Variants in SLAIN1 observed in about 807,000 individuals in gnomAD.
SLAIN1 encodes SLAIN motif-containing protein 1.
Under a neutral mutation model 55.4 loss-of-function variants are expected in SLAIN1, and 17 were observed. The observed-to-expected ratio is 0.31, with a 90% confidence interval of 0.21 to 0.46. SLAIN1 has a LOEUF of 0.46. SLAIN1 is among the 20% of genes least tolerant of loss of function. The pLI, the probability that SLAIN1 is intolerant of heterozygous loss-of-function variation, is 1.00. For missense variants in SLAIN1, 682 were observed against 785.1 expected (o/e 0.87, Z 1.57); for synonymous variants, 348 against 337.4 (o/e 1.03, Z -0.35).
intron 1 of SLAIN1, among the ~76,000 whole-genome samples, chr13:77,716,504 C>T (rs1360294360): frequency 1.3e-5 from 2 of 152,024 alleles, no homozygotes; most frequent in African/African-American, 2.4e-5. Flanking sequence ...TTCTTACTCA[C>T]GAAAATGGCA....
At chr13:77,745,002 T>G (rs1362164383) in intron 3 of SLAIN1, among the ~76,000 whole-genome samples, 1 of 152,036 alleles carries the variant, frequency 6.6e-6, no homozygotes, top group African/African-American at 2.4e-5. Context: ...TACTGTATAA[T>G]TCCACACATA....
chr13:77,705,635 G>A (rs2091081786), intron 1 of SLAIN1, among the ~76,000 whole-genome samples: 1 of 148,620 alleles, frequency 6.7e-6, no homozygotes, highest in Non-Finnish European at 1.5e-5. Flanking sequence ...CTATATAGGA[G>A]AAATACAGAT....
At chr13:77,760,523 G>A (rs1439104686) in intron 5 of SLAIN1, among the ~76,000 whole-genome samples, 3 of 152,052 alleles carry the variant, frequency 2.0e-5, no homozygotes, top group African/African-American at 4.8e-5. Flanking sequence ...GCAAGCAAAC[G>A]GGGAAGACTT....
chr13:77,742,099 G>A (rs1026116383), intron 2 of SLAIN1, among the ~76,000 whole-genome samples: 5 of 151,964 alleles, frequency 3.3e-5, no homozygotes, highest in Admixed American at 3.3e-4. Flanking sequence ...GTGTGTGTGT[G>A]TGTGTGTGAC....
intron 1 of SLAIN1, among the ~76,000 whole-genome samples, chr13:77,710,054 G>A (rs2091131763): frequency 6.6e-6 from 1 of 152,102 alleles, no homozygotes; most frequent in East Asian, 1.9e-4. Context: ...TTACAGGTGT[G>A]AGCCACCGCA....
At chr13:77,714,122 T>TA (rs1290795276) in intron 1 of SLAIN1, among the ~76,000 whole-genome samples, 1 of 152,100 alleles carries the variant, frequency 6.6e-6, no homozygotes, top group Non-Finnish European at 1.5e-5. Context: ...TATACCTGTG[T>TA]AAAAAATCCT....
At chr13:77,745,067 G>C (rs1342132178) in intron 3 of SLAIN1, among the ~76,000 whole-genome samples, 1 of 152,032 alleles carries the variant, frequency 6.6e-6, no homozygotes, top group Non-Finnish European at 1.5e-5. Flanking sequence ...GTGGTTGGTG[G>C]AGTTAGGTAT....
At chr13:77,704,083 CAT>C (rs1387196848) in intron 1 of SLAIN1, among the ~76,000 whole-genome samples, 33 of 82,652 alleles carry the variant, frequency 4.0e-4, no homozygotes, top group South Asian at 8.4e-4. Context: ...AATATATATA[CAT>C]ATGTTTTATA....
At chr13:77,761,171 C>T (rs140911875) in intron 6 of SLAIN1, 61 bp downstream of exon 6, 501 of 1,529,238 alleles carry the variant, frequency 3.3e-4, no homozygotes, top group Non-Finnish European at 4.3e-4. Context: ...GCTCCAGACA[C>T]ACGCTGACTT....
chr13:77,762,211 T>C (rs138063609), intron 6 of SLAIN1, among the ~76,000 whole-genome samples: 192 of 152,316 alleles, frequency 1.3e-3, no homozygotes, highest in Non-Finnish European at 2.1e-3. Context: ...TGCAGAGCTG[T>C]GTCATCATGC....
chr13:77,716,576 C>A (rs1444184327), intron 1 of SLAIN1, among the ~76,000 whole-genome samples: 1 of 151,980 alleles, frequency 6.6e-6, no homozygotes, highest in Admixed American at 6.6e-5. Flanking sequence ...GTGTTCAGGT[C>A]CTACACATCT....
intron 1 of SLAIN1, among the ~76,000 whole-genome samples, chr13:77,718,593 GTATGT>G (rs1299428937): frequency 6.6e-6 from 1 of 152,150 alleles, no homozygotes; most frequent in Non-Finnish European, 1.5e-5. Context: ...GAATAATGAA[GTATGT>G]TATTTCAAGA....
chr13:77,758,144 C>T (rs1874737466), intron 5 of SLAIN1, among the ~76,000 whole-genome samples: 1 of 152,020 alleles, frequency 6.6e-6, no homozygotes, highest in African/African-American at 2.4e-5. Flanking sequence ...AAGGTGGTAT[C>T]TCATTGTGGT....
chr13:77,729,469 G>A (rs760431106), intron 2 of SLAIN1, among the ~76,000 whole-genome samples: 4 of 151,780 alleles, frequency 2.6e-5, no homozygotes, highest in African/African-American at 7.3e-5. Context: ...CTACTGTGAC[G>A]GTTGATTAAA....
chr13:77,744,069 G>A (rs1873640053), intron 2 of SLAIN1, among the ~76,000 whole-genome samples: 1 of 151,954 alleles, frequency 6.6e-6, no homozygotes, highest in African/African-American at 2.4e-5. Flanking sequence ...TTTTTAAATT[G>A]TGAAAATTCA....
At position 77,763,471 on chromosome 13, in the gene SLAIN1, A is replaced by T. The variant is rs1009224669; in HGVS notation, c.*251A>T. The T allele has an allele frequency of 2.4e-5, 12 of 491,712 alleles. No homozygotes were observed. The highest frequency in any genetic ancestry group is 2.3e-4 in the African/African-American group (12 of 51,782). 30.5% of individuals were successfully genotyped at this position (491,712 alleles called of 1,614,324 possible). On this transcript the variant is annotated 3_prime_UTR_variant, in exon 7 of 7. Transcript: ENST00000418532. Reference sequence around the variant, plus strand: ...ACTTAGATCTAGGAAGTTTTTGTAGAACTGCTCTGTACCTGAATACTTTTT... The same window carrying T: ...ACTTAGATCTAGGAAGTTTTTGTAGTACTGCTCTGTACCTGAATACTTTTT...
At chr13:77,737,307 C>T (rs1255592486) in intron 2 of SLAIN1, among the ~76,000 whole-genome samples, 3 of 152,048 alleles carry the variant, frequency 2.0e-5, no homozygotes, top group Non-Finnish European at 4.4e-5. Flanking sequence ...CATGATGTCT[C>T]ACCAGGTCTA....
At chr13:77,753,174 AT>A in intron 4 of SLAIN1, 28 bp from the exon 5 acceptor site, 1 of 1,560,872 alleles carries the variant, frequency 6.4e-7, no homozygotes, top group South Asian at 1.2e-5. Flanking sequence ...AACATCTGTC[AT>A]TTTTAACTTA....
At chr13:77,728,151 C>T (rs1044135989) in intron 2 of SLAIN1, among the ~76,000 whole-genome samples, 8 of 152,088 alleles carry the variant, frequency 5.3e-5, no homozygotes, top group South Asian at 4.1e-4. Context: ...ATTTCTAACT[C>T]GCCCATCTTT....
Sources: allele counts gnomAD v4.1 joint callset (sites outside exome capture counted in the v4.1 genomes callset), GRCh38; gene constraint gnomAD v4.1.1; transcripts MANE v1.5; gene names NCBI Gene and HGNC (gene_info 2026-07-23, HGNC 2026-07-21).